The following SYNRG variants were observed in gnomAD, a reference collection of about 807,000 sequenced individuals.
SYNRG encodes synergin gamma, also known as AP1 gamma subunit binding protein 1.
A neutral mutation model predicts 130.9 loss-of-function variants in SYNRG; 37 were observed. The observed-to-expected ratio is 0.28, with a 90% CI of 0.22 to 0.37. The LOEUF is 0.37. SYNRG is among the 10% of genes least tolerant of loss of function. The pLI is 1.00. For synonymous variants in SYNRG, 539 were observed against 568.1 expected, an observed-to-expected ratio of 0.95 and a Z score of 0.73; for missense variants, 1,338 against 1,588.9, an observed-to-expected ratio of 0.84 and a Z score of 2.68.
Position 37,555,818 on chromosome 17 carries a change from A to T in SYNRG, c.1664-1759T>A, listed in dbSNP as rs544025222. 7.9e-5 allele frequency among the ~76,000 whole-genome samples: 12 copies of T among 152,278 alleles called. No homozygotes were observed. The South Asian group carries it at 2.5e-3, about 32-fold the overall frequency. On this transcript the variant is annotated intron_variant, in intron 13 of 21. Coordinates refer to ENST00000612223, the MANE Select transcript of SYNRG (RefSeq NM_007247.6). Reference sequence around the variant, plus strand: ...CTACTCGGGAGGCTGAGGCACAAGAATTGTTTGAACCTGGGAGGCGGAGCT... The same window carrying T: ...CTACTCGGGAGGCTGAGGCACAAGATTTGTTTGAACCTGGGAGGCGGAGCT...
chr17:37,539,299 T>C (rs957893611), intron 16 of SYNRG, 54 bp from the exon 17 acceptor site: 11 of 1,572,182 alleles, frequency 7.0e-6, no homozygotes, highest in Non-Finnish European at 7.9e-6. Context: ...GAATCTTCTA[T>C]TGATGACTCT....
At chr17:37,600,247 G>C in intron 2 of SYNRG, 116 bp downstream of exon 2, 1 of 918,502 alleles carries the variant, frequency 1.1e-6, no homozygotes, top group Non-Finnish European at 1.6e-6. Flanking sequence ...TAAGAGTGCA[G>C]AAAATTTTAC....
chr17:37,603,454 A>G (rs748920442), intron 1 of SYNRG, among the ~76,000 whole-genome samples: 32 of 152,252 alleles, frequency 2.1e-4, no homozygotes, highest in Non-Finnish European at 3.5e-4. Context: ...AAGAATCACT[A>G]TCTATGGGCG....
Position 37,561,226 on chromosome 17 carries a change from T to G in SYNRG, c.1632A>C (p.Glu544Asp). The G allele has an allele frequency of 6.2e-7, 1 of 1,613,898 alleles. No individual in the cohort carries two copies. The highest frequency in any genetic ancestry group is 8.5e-7 in the Non-Finnish European group (1 of 1,179,934). ...DPGDKYSAFR[E>D]LEQTAENKPL... ...GTTTATTCTCTGCTGTCTGTTCAAG[T>G]TCTCTGAAAGCACTATATTTATCAC... is the stretch of plus-strand genomic sequence containing the variant. The change falls in exon 13 of 22, where the codon GAA becomes GAC. Residue 544 changes from glutamate to aspartate, a missense_variant. Around this residue, in one of 3 missense-constraint regions of SYNRG, gnomAD observed 1,146 missense variants for 1,342.3 expected, o/e 0.85. Transcript: ENST00000612223.
chr17:37,544,504 G>C (rs892701906), intron 14 of SYNRG, among the ~76,000 whole-genome samples: 1 of 151,930 alleles, frequency 6.6e-6, no homozygotes, highest in Non-Finnish European at 1.5e-5. Flanking sequence ...GAGTAGAGAC[G>C]GGGTTTCACC....
At chr17:37,591,739 A>T in intron 3 of SYNRG, among the ~76,000 whole-genome samples, 1 of 152,240 alleles carries the variant, frequency 6.6e-6, no homozygotes, top group Non-Finnish European at 1.5e-5. Flanking sequence ...TGGGGCAATC[A>T]CACTTGCATA....
chr17:37,563,680 G>A (rs944694338), intron 11 of SYNRG, among the ~76,000 whole-genome samples: 1 of 151,650 alleles, frequency 6.6e-6, no homozygotes, highest in Admixed American at 6.6e-5. Context: ...GGTACTACAG[G>A]CATGCACCAC....
In SYNRG at chr17:37,541,059, T is replaced by C. The variant is rs117814549; in HGVS notation, c.3203-516A>G. 5.7e-3 allele frequency: 5,619 copies of C among 985,862 alleles called. 34 individuals carry two copies. Among genetic ancestry groups the C allele is most frequent in the Middle Eastern group, 0.026 (49 of 1,916 alleles). The allele number at this position is 985,862 out of a possible 1,614,324, so 61.1% of individuals were successfully genotyped here. A position where few individuals can be genotyped will look rare whatever the true frequency, so the allele number is the denominator to read the frequency against. ...CTCTCTTGCACGGTTTCCCTGCGTT[T>C]CGTTTTCAACATGACTCTTCTCTGA... is the stretch of plus-strand genomic sequence containing the variant. On this transcript the variant is annotated intron_variant, in intron 15 of 21. Coordinates refer to ENST00000612223, the MANE Select transcript of SYNRG (RefSeq NM_007247.6).
At chr17:37,590,145 G>A (rs1309820009) in intron 3 of SYNRG, among the ~76,000 whole-genome samples, 1 of 150,808 alleles carries the variant, frequency 6.6e-6, no homozygotes, top group Non-Finnish European at 1.5e-5. Flanking sequence ...TCCAGCCTGG[G>A]CGACAGGGCG....
At chr17:37,535,865 G>C in intron 19 of SYNRG, 114 bp downstream of exon 19, 1 of 1,375,904 alleles carries the variant, frequency 7.3e-7, no homozygotes, top group South Asian at 1.2e-5. Flanking sequence ...AATATAACAT[G>C]CTCCAGTTGG....
At chr17:37,572,113 A>G (rs2060477936) in intron 8 of SYNRG, 126 bp from the exon 9 acceptor site, 11 of 806,740 alleles carry the variant, frequency 1.4e-5, no homozygotes, top group Non-Finnish European at 2.0e-5. Context: ...AAGCCATGTC[A>G]GGGTTTAAAT....
intron 14 of SYNRG, among the ~76,000 whole-genome samples, chr17:37,551,698 T>C (rs1268476516): frequency 6.6e-6 from 1 of 151,886 alleles, no homozygotes; most frequent in Non-Finnish European, 1.5e-5. Context: ...AAGGCTAGTA[T>C]ACATGTTATG....
intron 14 of SYNRG, 27 bp from the exon 15 acceptor site, chr17:37,542,592 T>TAG: frequency 6.3e-7 from 1 of 1,577,476 alleles, no homozygotes; most frequent in Non-Finnish European, 8.6e-7. Context: ...ACCCCACAAT[T>TAG]AGAGGCAAGC....
At chr17:37,562,632 T>C (rs374836479) in intron 11 of SYNRG, among the ~76,000 whole-genome samples, 24 of 152,356 alleles carry the variant, frequency 1.6e-4, no homozygotes, top group Middle Eastern at 3.4e-3. Context: ...AGCTGCATGC[T>C]AATGGGGTAC....
rs1449066233 is a variant in SYNRG at position 37,538,403 on chromosome 17, A to G, written c.3438T>C (p.Asn1146=). Residue 1146 remains asparagine (N), a synonymous_variant, in exon 18 of 22, where the codon AAT becomes AAC. Transcript: ENST00000612223. ...TACTACTGATTCCATTTAAGGTATC[A>G]TTTGCCTTCTTAATGACCTACAAGA... ...GSALNVIKKA[N]DTLNGISSSS... 4 of 1,609,320 alleles carry G rather than the reference A, an allele frequency of 2.5e-6. No homozygotes were observed. Among genetic ancestry groups the G allele is most frequent in the Non-Finnish European group, 3.4e-6 (4 of 1,178,592 alleles).
chr17:37,530,974 C>T (rs922347940), intron 19 of SYNRG, among the ~76,000 whole-genome samples: 16 of 152,170 alleles, frequency 1.1e-4, no homozygotes, highest in African/African-American at 3.9e-4. Flanking sequence ...GTAGTCTGGG[C>T]GTGGTGGCTC....
chr17:37,591,660 C>G (rs564419190), intron 3 of SYNRG, among the ~76,000 whole-genome samples: 153 of 152,236 alleles, frequency 1.0e-3, no homozygotes, highest in African/African-American at 3.6e-3. Flanking sequence ...CAAGCATGCC[C>G]AACTGATTTT....
intron 13 of SYNRG, among the ~76,000 whole-genome samples, 158 bp downstream of exon 13, chr17:37,561,037 C>G (rs1888905173): frequency 1.3e-5 from 2 of 152,258 alleles, no homozygotes; most frequent in South Asian, 4.1e-4. Context: ...ATAAACATCA[C>G]TACTATACCA....
At chr17:37,607,955 C>CAAAAAAAAAAAAAAAAAAAAAAA (rs67822733) in intron 1 of SYNRG, among the ~76,000 whole-genome samples, 7 of 51,114 alleles carry the variant, frequency 1.4e-4, no homozygotes, top group Admixed American at 2.9e-4. Flanking sequence ...GACTTCCTCT[C>CAAAAAAAAAAAAAAAAAAAAAAA]AAAAAAAAAA....
Sources: allele counts gnomAD v4.1 joint callset (sites outside exome capture counted in the v4.1 genomes callset), GRCh38; gene constraint gnomAD v4.1.1; regional missense constraint gnomAD v4.1.1; transcripts MANE v1.5; gene names NCBI Gene and HGNC (gene_info 2026-07-23, HGNC 2026-07-21).